The following CFAP92 variants were observed in gnomAD, a reference collection of about 807,000 sequenced individuals.
CFAP92 encodes the protein uncharacterized protein CFAP92.
Under a neutral mutation model 106.3 loss-of-function variants are expected in CFAP92, and 86 were observed. The observed-to-expected ratio is 0.81, with a 90% confidence interval of 0.68 to 0.97. The LOEUF (loss-of-function observed/expected upper bound fraction) is 0.97, where lower values mean the gene tolerates loss of function less well. Ranked by LOEUF, CFAP92 falls within the 50% of genes least tolerant of loss-of-function variation. The pLI, the probability that CFAP92 is intolerant of heterozygous loss-of-function variation, is 0.00. For missense variants in CFAP92, 1,204 were observed against 1,283.8 expected (o/e 0.94, Z 0.95); for synonymous variants, 477 against 506.4 (o/e 0.94, Z 0.78).
chr3:128,921,768 G>A (rs910977587), intron 12 of CFAP92, among the ~76,000 whole-genome samples: 2 of 152,082 alleles, frequency 1.3e-5, no homozygotes, highest in African/African-American at 4.8e-5. Context: ...TGGGAAGAGG[G>A]GCCTGCCTCA....
chr3:128,948,714 G>C (rs745337337), intron 9 of CFAP92, among the ~76,000 whole-genome samples: 12 of 151,174 alleles, frequency 7.9e-5, no homozygotes, highest in Non-Finnish European at 1.6e-4. Context: ...GTTTTTAGAA[G>C]AGATGGGGTT....
chr3:128,920,193 GAGGAGTTAGAGACC>G (rs1937151727), intron 12 of CFAP92, among the ~76,000 whole-genome samples: 1 of 152,164 alleles, frequency 6.6e-6, no homozygotes, highest in South Asian at 2.1e-4. Flanking sequence ...CACCTGAGGT[GAGGAGTTAGAGACC>G]AGCCTAACCA....
chr3:128,952,584 C>T (rs977844020), intron 9 of CFAP92, among the ~76,000 whole-genome samples: 53 of 152,022 alleles, frequency 3.5e-4, no homozygotes, highest in African/African-American at 1.2e-3. Context: ...ATGCTTGAAA[C>T]AAATGAAAAA....
intron 8 of CFAP92, 145 bp from the exon 9 acceptor site, chr3:128,965,840 GA>G (rs755018863): frequency 2.5e-5 from 10 of 394,276 alleles, no homozygotes; most frequent in Non-Finnish European, 4.0e-5. Flanking sequence ...AGAAAAGAAA[GA>G]ATTGGGAAAC....
chr3:129,002,428 G>A, intron 1 of CFAP92: 1 of 1,418,496 alleles, frequency 7.0e-7, no homozygotes, highest in Non-Finnish European at 9.2e-7. Context: ...AGGAAGGGGA[G>A]ACAGAGGGCA....
intron 9 of CFAP92, among the ~76,000 whole-genome samples, chr3:128,951,387 A>G (rs1221936036): frequency 6.6e-6 from 1 of 152,146 alleles, no homozygotes; most frequent in Non-Finnish European, 1.5e-5. Context: ...GAAATGGCCC[A>G]CTGAATCCCC....
At chr3:129,012,639 G>A in the CFAP92 span, among the ~76,000 whole-genome samples, 1 of 152,216 alleles carries the variant, frequency 6.6e-6, no homozygotes, top group Non-Finnish European at 1.5e-5. Flanking sequence ...GGATAGTCCT[G>A]TTGGCCCGGA....
intron 4 of CFAP92, among the ~76,000 whole-genome samples, chr3:128,984,305 CAG>C (rs1205804769): frequency 2.0e-5 from 3 of 152,150 alleles, no homozygotes; most frequent in African/African-American, 7.2e-5. Context: ...ACATTTGAGT[CAG>C]TGGACTGGGA....
Position 128,993,966 on chromosome 3 carries a change from G to A in CFAP92, c.-33+14C>T. ...GGGCAGGGGTCGGGGTTCCCCTCCA[G>A]GTGCTGGCGGTACCTGCGAGCGGAT... On this transcript the variant is annotated intron_variant, in intron 1 of 15. Coordinates refer to ENST00000645291, the MANE Select transcript of CFAP92 (RefSeq NM_001394090.1). The A allele has an allele frequency of 4.0e-6, 4 of 987,814 alleles. No homozygotes were observed. The highest frequency in any genetic ancestry group is 4.8e-6 in the Non-Finnish European group (4 of 831,340). The allele number at this position is 987,814 out of a possible 1,614,324, so 61.2% of individuals were successfully genotyped here.
At chr3:129,004,776 C>A (rs1944995296), upstream of CFAP92, among the ~76,000 whole-genome samples, 1 of 152,066 alleles carries the variant, frequency 6.6e-6, no homozygotes, top group Non-Finnish European at 1.5e-5. Flanking sequence ...TGCTATGTTT[C>A]CACTCTGTAG....
chr3:128,952,136 C>CTTTT (rs35117405), intron 9 of CFAP92, among the ~76,000 whole-genome samples: 2 of 139,302 alleles, frequency 1.4e-5, no homozygotes, highest in Non-Finnish European at 3.1e-5. Context: ...TCTTCTTCTT[C>CTTTT]TTTTTTTTTT....
intron 4 of CFAP92, among the ~76,000 whole-genome samples, chr3:128,979,388 C>T (rs1212979605): frequency 2.6e-5 from 4 of 152,290 alleles, no homozygotes; most frequent in East Asian, 3.9e-4. Flanking sequence ...GACAGTGTGG[C>T]GATTCCTCAG....
chr3:128,950,379 G>C (rs1940662879), intron 9 of CFAP92, among the ~76,000 whole-genome samples: 1 of 152,266 alleles, frequency 6.6e-6, no homozygotes, highest in Admixed American at 6.5e-5. Flanking sequence ...GCCATGAGCA[G>C]TGGGCCAGGG....
upstream of CFAP92, chr3:129,003,934 C>G (rs767955059): frequency 1.1e-4 from 149 of 1,389,230 alleles, no homozygotes; most frequent in Non-Finnish European, 7.6e-5. Context: ...GTGGCCAGGC[C>G]GAGGTGCGGC....
chr3:128,971,379 G>T lies in CFAP92; in HGVS notation c.1076C>A (p.Pro359His). ...RRKIQRRHKK[P>H]LAEEEADPTL... is the part of the protein sequence containing the mutation. ...GGGGTCTGCCTCTTCTTCTGCCAGGGGCTTCTTATGTCTCCTCTGGATTTT... is the reference window on the plus strand; with the variant it reads ...GGGGTCTGCCTCTTCTTCTGCCAGGTGCTTCTTATGTCTCCTCTGGATTTT... Residue 359 changes from proline (P) to histidine (H), a missense_variant, in exon 8 of 16, where the codon CCC (proline) becomes CAC (histidine). Pro to His is a moderately conservative substitution (Grantham distance 77, BLOSUM62 -2). Transcript: ENST00000645291. 1 of 1,613,316 alleles carries T rather than the reference G, an allele frequency of 6.2e-7. No individual in the cohort carries two copies. Among genetic ancestry groups the T allele is most frequent in the Non-Finnish European group, 8.5e-7 (1 of 1,179,662 alleles).
chr3:129,002,128 G>C, intron 1 of CFAP92: 2 of 1,475,826 alleles, frequency 1.4e-6, no homozygotes, highest in Non-Finnish European at 1.8e-6. Context: ...GGCGCTCTCA[G>C]CGAGCACATC....
chr3:128,971,157 G>C (rs1049737805), intron 8 of CFAP92, 130 bp downstream of exon 8: 1 of 1,462,416 alleles, frequency 6.8e-7, no homozygotes, highest in Non-Finnish European at 9.4e-7. Flanking sequence ...ATTCCCCTGA[G>C]TTTCCTGAGG....
chr3:128,999,833 G>A lies in CFAP92; in HGVS notation n.117+2741C>T, dbSNP rs142351947. ...GGTGGGATTACAGGCGTGAGCCACC[G>A]CGACCGGCCAAGAAAAAGAAACACA... is the stretch of plus-strand genomic sequence containing the variant. On this transcript the variant is annotated intron_variant and non_coding_transcript_variant, in intron 1 of 4. Transcript: ENST00000510149. Among the ~76,000 whole-genome samples, 732 of 152,146 alleles carry A rather than the reference G, an allele frequency of 4.8e-3. 7 individuals are homozygous for A. The highest frequency in any genetic ancestry group is 0.017 in the African/African-American group (694 of 41,476).
chr3:128,983,564 G>T (rs1005407718), intron 4 of CFAP92, among the ~76,000 whole-genome samples: 1 of 152,106 alleles, frequency 6.6e-6, no homozygotes, highest in Non-Finnish European at 1.5e-5. Context: ...ACCAAGAATG[G>T]GTAGGATAAT....
Sources: allele counts gnomAD v4.1 joint callset (sites outside exome capture counted in the v4.1 genomes callset), GRCh38; gene constraint gnomAD v4.1.1; transcripts MANE v1.5; gene names NCBI Gene and HGNC (gene_info 2026-07-23, HGNC 2026-07-21).